The following BMPR1B variants were observed in gnomAD, a reference collection of about 807,000 sequenced individuals.
The protein encoded by BMPR1B is bone morphogenetic protein receptor type 1B.
In BMPR1B, 12 loss-of-function variants were observed where a neutral mutation model predicts 59.1. That is an observed-to-expected ratio of 0.20 (90% confidence interval 0.13 to 0.33). The LOEUF is 0.33. Among genes scored for constraint, BMPR1B ranks in the 10% least tolerant of loss-of-function variants. BMPR1B has a pLI of 1.00. For missense variants in BMPR1B, 550 were observed against 610.9 expected (o/e 0.90, Z 1.05); for synonymous variants, 237 against 207.3 (o/e 1.14, Z -1.23).
intron 6 of BMPR1B, among the ~76,000 whole-genome samples, chr4:95,119,040 G>T (rs922005656): frequency 2.0e-5 from 3 of 152,118 alleles, no homozygotes; most frequent in Non-Finnish European, 4.4e-5. Context: ...CCTGTATCTT[G>T]CATTTACATG....
chr4:94,908,366 A>C (rs1033549540), intron 2 of BMPR1B, among the ~76,000 whole-genome samples: 1 of 151,460 alleles, frequency 6.6e-6, no homozygotes, highest in African/African-American at 2.4e-5. Flanking sequence ...TTCAGTAAGC[A>C]TTGTTTAAAC....
chr4:94,879,719 T>C (rs2148977486), intron 2 of BMPR1B, among the ~76,000 whole-genome samples: 1 of 152,300 alleles, frequency 6.6e-6, no homozygotes, highest in Non-Finnish European at 1.5e-5. Context: ...TTTTCCCCAT[T>C]ATTATAGAAT....
intron 1 of BMPR1B, among the ~76,000 whole-genome samples, chr4:94,795,386 G>A (rs996948428): frequency 6.6e-6 from 1 of 151,876 alleles, no homozygotes; most frequent in Non-Finnish European, 1.5e-5. Flanking sequence ...GATCATGGTG[G>A]ATAAGCTTTT....
chr4:95,096,597 C>T (rs1197858348), intron 3 of BMPR1B, among the ~76,000 whole-genome samples: 3 of 150,342 alleles, frequency 2.0e-5, no homozygotes, highest in South Asian at 2.1e-4. Context: ...AAAAATCCAA[C>T]GATCCTCTGA....
chr4:95,091,613 G>A (rs946838460), intron 3 of BMPR1B: 34 of 984,850 alleles, frequency 3.5e-5, no homozygotes, highest in Admixed American at 2.5e-4. Context: ...TATATCAAGC[G>A]TACAGAAATC....
chr4:94,785,343 GA>G (rs1722724297), intron 1 of BMPR1B, among the ~76,000 whole-genome samples: 1 of 152,190 alleles, frequency 6.6e-6, no homozygotes, highest in South Asian at 2.1e-4. Flanking sequence ...ATGTACTTAG[GA>G]TGGGGTTAAA....
chr4:94,970,299 C>CTT (rs1253754127), intron 2 of BMPR1B, among the ~76,000 whole-genome samples: 431 of 77,308 alleles, frequency 5.6e-3, no homozygotes, highest in African/African-American at 0.019. Context: ...CTCTTCTCTT[C>CTT]TCTTCTTTCT....
In BMPR1B at chr4:94,835,149, T is replaced by C. The variant is rs375999544; in HGVS notation, c.-182-40682T>C. ...TAAGGTGTTAAAATTTTCCAAAGAA[T>C]AGTGTGGGTTATCTTTACAGCAATT... On this transcript the variant is annotated intron_variant, in intron 1 of 12. Transcript: ENST00000515059. Among the ~76,000 whole-genome samples, 28 of 152,134 alleles carry C rather than the reference T, an allele frequency of 1.8e-4. No individual in the cohort carries two copies. The South Asian group carries it at 3.9e-3, about 21-fold the overall frequency.
intron 1 of BMPR1B, among the ~76,000 whole-genome samples, chr4:94,774,855 G>T (rs1273777242): frequency 2.0e-5 from 3 of 150,868 alleles, no homozygotes; most frequent in Non-Finnish European, 4.4e-5. Flanking sequence ...AAGATGCTTG[G>T]TCAGTGTTGA....
intron 1 of BMPR1B, among the ~76,000 whole-genome samples, chr4:94,765,991 A>G (rs1456751449): frequency 6.6e-6 from 1 of 152,160 alleles, no homozygotes; most frequent in Non-Finnish European, 1.5e-5. Context: ...TAAAATGTCA[A>G]TGACAATAAT....
intron 1 of BMPR1B, among the ~76,000 whole-genome samples, chr4:94,793,878 T>G (rs1433758158): frequency 4.6e-5 from 7 of 151,570 alleles, no homozygotes; most frequent in Non-Finnish European, 8.9e-5. Flanking sequence ...TGTTTTTTTC[T>G]TGTAAATTTG....
Position 95,131,459 on chromosome 4 carries a change from G to C in BMPR1B, c.1023G>C (p.Lys341Asn), listed in dbSNP as rs1733354357. The change falls in exon 10 of 13, where the codon AAG (lysine) becomes AAC (asparagine). Residue 341 changes from lysine (K) to asparagine (N), a missense_variant. Coordinates refer to ENST00000515059, the MANE Select transcript of BMPR1B (RefSeq NM_001203.3). ...RDLKSKNILVKKNGTCCIADL... is the reference protein window; with the variant it reads ...RDLKSKNILVNKNGTCCIADL... ...TGAAAAGTAAAAACATTCTGGTGAAGAAAAATGGAACTTGCTGTATTGCTG... is the reference window on the plus strand; with the variant it reads ...TGAAAAGTAAAAACATTCTGGTGAACAAAAATGGAACTTGCTGTATTGCTG... The C allele has an allele frequency of 9.3e-6, 15 of 1,613,872 alleles. No homozygotes were observed. Among genetic ancestry groups the C allele is most frequent in the African/African-American group, 1.3e-5 (1 of 74,916 alleles).
chr4:94,785,104 T>TA (rs1206665952), intron 1 of BMPR1B, among the ~76,000 whole-genome samples: 1 of 152,192 alleles, frequency 6.6e-6, no homozygotes, highest in East Asian at 1.9e-4. Flanking sequence ...TCTGTGGAGA[T>TA]ATGCCTGTGA....
intron 1 of BMPR1B, among the ~76,000 whole-genome samples, chr4:94,850,550 T>A (rs1725528551): frequency 6.6e-6 from 1 of 152,204 alleles, no homozygotes; most frequent in Non-Finnish European, 1.5e-5. Flanking sequence ...ATTTGTTGCC[T>A]ATGTTCATAA....
chr4:94,962,277 A>C (rs1400349776), intron 2 of BMPR1B, among the ~76,000 whole-genome samples: 2 of 151,956 alleles, frequency 1.3e-5, no homozygotes, highest in African/African-American at 4.8e-5. Flanking sequence ...AGTGGGGACT[A>C]CAGGCGTGTG....
chr4:95,039,094 T>C (rs1197334093), intron 3 of BMPR1B, among the ~76,000 whole-genome samples: 1 of 152,224 alleles, frequency 6.6e-6, no homozygotes, highest in Non-Finnish European at 1.5e-5. Context: ...ACTAAGGCTC[T>C]TATATTGACA....
chr4:94,851,217 A>G (rs1052258874), intron 1 of BMPR1B, among the ~76,000 whole-genome samples: 2 of 152,308 alleles, frequency 1.3e-5, no homozygotes, highest in South Asian at 2.1e-4. Flanking sequence ...GTAGAGGGGT[A>G]TGCTGGATTT....
intron 3 of BMPR1B, among the ~76,000 whole-genome samples, chr4:95,037,811 G>A (rs1053120871): frequency 2.6e-5 from 4 of 152,096 alleles, no homozygotes; most frequent in Non-Finnish European, 5.9e-5. Flanking sequence ...TTACAAAGGA[G>A]AGAGTTTGAA....
intron 1 of BMPR1B, among the ~76,000 whole-genome samples, chr4:94,865,129 C>T (rs1726163683): frequency 6.6e-6 from 1 of 151,872 alleles, no homozygotes; most frequent in South Asian, 2.1e-4. Context: ...CCTGCCTCAG[C>T]CTCCCGAGTA....
Sources: allele counts gnomAD v4.1 joint callset (sites outside exome capture counted in the v4.1 genomes callset), GRCh38; gene constraint gnomAD v4.1.1; transcripts MANE v1.5; gene names NCBI Gene and HGNC (gene_info 2026-07-23, HGNC 2026-07-21).